Variants in CYP2J2 observed in about 807,000 individuals in gnomAD.
CYP2J2 encodes the protein cytochrome P450 2J2.
CYP2J2 carries 41 observed loss-of-function variants against 48.8 expected under a neutral mutation model. The observed-to-expected ratio is 0.84, with a 90% CI of 0.66 to 1.09. CYP2J2 has a LOEUF of 1.09. CYP2J2 is among the 50% of genes least tolerant of loss of function. The pLI, the probability that CYP2J2 is intolerant of heterozygous loss-of-function variation, is 0.00. For synonymous variants in CYP2J2, 221 were observed against 227.1 expected (o/e 0.97, Z 0.24); for missense variants, 644 against 617.3 (o/e 1.04, Z -0.46).
chr1:59,934,271 C>A, the CYP2J2 span, among the ~76,000 whole-genome samples: 2 of 152,166 alleles, frequency 1.3e-5, no homozygotes, highest in South Asian at 4.2e-4. Flanking sequence ...TGACGTGAAA[C>A]CCTAAAGCTC....
the CYP2J2 span, among the ~76,000 whole-genome samples, chr1:59,946,196 T>G: frequency 1.3e-5 from 2 of 152,242 alleles, no homozygotes; most frequent in African/African-American, 4.8e-5. Context: ...TGACTTGATC[T>G]AGGATTCTCA....
At chr1:59,902,940 C>G (rs543552684) in intron 7 of CYP2J2, among the ~76,000 whole-genome samples, 1 of 152,142 alleles carries the variant, frequency 6.6e-6, no homozygotes, top group African/African-American at 2.4e-5. Flanking sequence ...AGTCATAGCT[C>G]GTAGACTGTG....
chr1:59,960,350 A>G, the CYP2J2 span, among the ~76,000 whole-genome samples: 1 of 152,190 alleles, frequency 6.6e-6, no homozygotes, highest in African/African-American at 2.4e-5. Flanking sequence ...AAATTATACA[A>G]ATTAACTTTT....
chr1:59,952,307 C>T, the CYP2J2 span, among the ~76,000 whole-genome samples: 3 of 140,046 alleles, frequency 2.1e-5, no homozygotes, highest in African/African-American at 5.2e-5. Flanking sequence ...TATGCGTATG[C>T]TTTTTTTTTT....
At chr1:59,924,594 C>G (rs1345032121) in intron 1 of CYP2J2, among the ~76,000 whole-genome samples, 2 of 152,050 alleles carry the variant, frequency 1.3e-5, no homozygotes, top group Non-Finnish European at 2.9e-5. Flanking sequence ...CACTAATAGA[C>G]TGCAATCAGC....
chr1:59,936,914 C>A, the CYP2J2 span, among the ~76,000 whole-genome samples: 1 of 152,214 alleles, frequency 6.6e-6, no homozygotes, highest in African/African-American at 2.4e-5. Context: ...AAATTGATTT[C>A]TACTCAGAGT....
the CYP2J2 span, among the ~76,000 whole-genome samples, chr1:59,954,587 T>TCGG: frequency 2.2e-4 from 24 of 111,132 alleles, no homozygotes; most frequent in African/African-American, 1.1e-3. Flanking sequence ...TCTTGGTGGG[T>TCGG]CGGGGGGGGA....
At chr1:59,958,606 C>T in the CYP2J2 span, among the ~76,000 whole-genome samples, 1 of 152,158 alleles carries the variant, frequency 6.6e-6, no homozygotes, top group Non-Finnish European at 1.5e-5. Context: ...CACCATCGAG[C>T]TAGCTGTCTG....
intron 8 of CYP2J2, among the ~76,000 whole-genome samples, 168 bp from the exon 9 acceptor site, chr1:59,893,997 A>G (rs1219446310): frequency 1.3e-5 from 2 of 152,200 alleles, no homozygotes; most frequent in Admixed American, 6.5e-5. Context: ...ACTTGGGTTC[A>G]TCAATGCATA....
chr1:59,923,161 G>A (rs1301618222), intron 1 of CYP2J2, among the ~76,000 whole-genome samples: 1 of 152,224 alleles, frequency 6.6e-6, no homozygotes, highest in African/African-American at 2.4e-5. Context: ...AGGGATCCCT[G>A]TCTTCTGTTC....
chr1:59,934,353 A>C, the CYP2J2 span, among the ~76,000 whole-genome samples: 1 of 152,198 alleles, frequency 6.6e-6, no homozygotes, highest in Non-Finnish European at 1.5e-5. Flanking sequence ...CATCAAAAGC[A>C]GAGGCAACAA....
At chr1:59,926,438 G>C (rs1189205768) in intron 1 of CYP2J2, 99 bp downstream of exon 1, 16 of 994,594 alleles carry the variant, frequency 1.6e-5, no homozygotes, top group Non-Finnish European at 2.4e-5. Context: ...ACCTCTTCCT[G>C]CCCTTCATCC....
intron 8 of CYP2J2, among the ~76,000 whole-genome samples, chr1:59,899,298 A>G (rs1277736556): frequency 8.5e-5 from 13 of 152,256 alleles, no homozygotes; most frequent in Non-Finnish European, 1.8e-4. Flanking sequence ...CCTATGTCTT[A>G]TATCAGCTTT....
At chr1:59,902,429 C>T (rs1559072941) in intron 7 of CYP2J2, among the ~76,000 whole-genome samples, 1 of 149,520 alleles carries the variant, frequency 6.7e-6, no homozygotes, top group Non-Finnish European at 1.5e-5. Context: ...TTAGTAATAA[C>T]TTTTTTTTTT....
chr1:59,966,607 T>A, the CYP2J2 span, among the ~76,000 whole-genome samples: 1 of 152,208 alleles, frequency 6.6e-6, no homozygotes, highest in Non-Finnish European at 1.5e-5. Flanking sequence ...GTAACAAAAC[T>A]GCTGGGTGGT....
intron 8 of CYP2J2, among the ~76,000 whole-genome samples, chr1:59,894,231 T>C (rs934116374): frequency 6.6e-6 from 1 of 152,114 alleles, no homozygotes; most frequent in East Asian, 1.9e-4. Flanking sequence ...CTTAAAAAAA[T>C]TGTTGAAAAT....
intron 6 of CYP2J2, among the ~76,000 whole-genome samples, chr1:59,906,212 A>C (rs533434123): frequency 6.6e-6 from 1 of 152,304 alleles, no homozygotes; most frequent in Non-Finnish European, 1.5e-5. Context: ...ATTGTAACTA[A>C]GTGTGACCAT....
the CYP2J2 span, among the ~76,000 whole-genome samples, chr1:59,968,662 T>C: frequency 6.6e-6 from 1 of 152,194 alleles, no homozygotes; most frequent in Non-Finnish European, 1.5e-5. Flanking sequence ...CACCAGAGGA[T>C]GGAGCTGTGG....
the CYP2J2 span, among the ~76,000 whole-genome samples, chr1:59,959,968 G>A: frequency 2.0e-5 from 3 of 152,130 alleles, no homozygotes; most frequent in Non-Finnish European, 4.4e-5. Flanking sequence ...GGTGATGGGT[G>A]TATCAAAATG....
Sources: allele counts gnomAD v4.1 joint callset (sites outside exome capture counted in the v4.1 genomes callset), GRCh38; gene constraint gnomAD v4.1.1; transcripts MANE v1.5; gene names NCBI Gene and HGNC (gene_info 2026-07-23, HGNC 2026-07-21).